The following SND1 variants were observed in gnomAD, a reference collection of about 807,000 sequenced individuals.
SND1 encodes the protein staphylococcal nuclease and tudor domain containing 1.
In SND1, 38 loss-of-function variants were observed where a neutral mutation model predicts 121.7. That is an observed-to-expected ratio of 0.31 (90% confidence interval 0.24 to 0.41). The LOEUF is 0.41. Ranked by LOEUF, SND1 falls within the 10% of genes least tolerant of loss-of-function variation. The pLI is 1.00. For synonymous variants in SND1, 401 were observed against 447.4 expected, an observed-to-expected ratio of 0.90 and a Z score of 1.31; for missense variants, 868 against 1,184.6, an observed-to-expected ratio of 0.73 and a Z score of 3.92.
intron 14 of SND1, among the ~76,000 whole-genome samples, chr7:127,923,058 A>G (rs1341921197): frequency 6.6e-6 from 1 of 152,156 alleles, no homozygotes; most frequent in East Asian, 1.9e-4. Context: ...GCATGATTAT[A>G]GCTCTCGGCA....
chr7:127,971,243 A>G (rs1398125700), intron 15 of SND1, among the ~76,000 whole-genome samples: 2 of 152,230 alleles, frequency 1.3e-5, no homozygotes, highest in African/African-American at 4.8e-5. Context: ...AGAAGGCTAT[A>G]GGCTTTCTCC....
At chr7:127,850,410 C>T (rs1460848561) in intron 12 of SND1, among the ~76,000 whole-genome samples, 1 of 152,182 alleles carries the variant, frequency 6.6e-6, no homozygotes, top group Non-Finnish European at 1.5e-5. Context: ...CCCAGAGAGG[C>T]CCACAACATC....
At chr7:127,731,091 C>T (rs1407556927) in intron 10 of SND1, among the ~76,000 whole-genome samples, 3 of 152,226 alleles carry the variant, frequency 2.0e-5, no homozygotes, top group Non-Finnish European at 4.4e-5. Flanking sequence ...GGAGGAGCTG[C>T]GTAGCCAGGG....
intron 1 of SND1, among the ~76,000 whole-genome samples, chr7:127,661,145 T>G (rs1427344197): frequency 1.3e-5 from 2 of 152,190 alleles, no homozygotes; most frequent in African/African-American, 2.4e-5. Flanking sequence ...CTCTTCGCGT[T>G]TGTCTTGATG....
At chr7:127,997,821 C>G (rs1802706096) in intron 16 of SND1, 1 of 534,664 alleles carries the variant, frequency 1.9e-6, no homozygotes, top group Non-Finnish European at 3.8e-6. Flanking sequence ...ACACTTTCGG[C>G]CCAGCACATC....
chr7:127,686,360 T>C (rs1795812698), intron 1 of SND1, among the ~76,000 whole-genome samples: 1 of 152,326 alleles, frequency 6.6e-6, no homozygotes, highest in East Asian at 1.9e-4. Flanking sequence ...TTTACCCCAG[T>C]CTGTTTATTC....
chr7:127,915,229 A>G (rs1047208132), intron 14 of SND1, among the ~76,000 whole-genome samples: 1 of 151,856 alleles, frequency 6.6e-6, no homozygotes, highest in Non-Finnish European at 1.5e-5. Flanking sequence ...GCCCATGATG[A>G]TCTCGAACTC....
At chr7:127,831,908 C>G (rs1372676544) in intron 11 of SND1, among the ~76,000 whole-genome samples, 4 of 80,950 alleles carry the variant, frequency 4.9e-5, no homozygotes, top group Non-Finnish European at 1.4e-4. Context: ...TATAATTGCA[C>G]CTTTGAAGAT....
At chr7:127,840,892 A>G (rs1277900124) in intron 11 of SND1, among the ~76,000 whole-genome samples, 2 of 152,134 alleles carry the variant, frequency 1.3e-5, no homozygotes. Flanking sequence ...TTAATCTCTG[A>G]CTTATTTACA....
chr7:127,974,606 A>G (rs545260317), intron 15 of SND1, among the ~76,000 whole-genome samples: 57 of 152,324 alleles, frequency 3.7e-4, no homozygotes, highest in Non-Finnish European at 5.4e-4. Context: ...CAGGCTGTCT[A>G]GGAGAATTCC....
intron 15 of SND1, among the ~76,000 whole-genome samples, chr7:127,939,432 C>T (rs1158039331): frequency 6.6e-6 from 1 of 152,142 alleles, no homozygotes; most frequent in Non-Finnish European, 1.5e-5. Flanking sequence ...TAAATAAAGT[C>T]ATCACTAAAA....
At chr7:127,738,744 C>G (rs937963877) in intron 10 of SND1, among the ~76,000 whole-genome samples, 1 of 152,110 alleles carries the variant, frequency 6.6e-6, no homozygotes, top group African/African-American at 2.4e-5. Flanking sequence ...TAAACAGGCT[C>G]CAGGGAACCT....
At chr7:128,022,693 C>T (rs1048949788) in intron 16 of SND1, among the ~76,000 whole-genome samples, 7 of 150,490 alleles carry the variant, frequency 4.7e-5, no homozygotes, top group Admixed American at 4.0e-4. Context: ...CTCTTCTCCC[C>T]AGCACACCCC....
At chr7:127,687,401 G>C (rs1027383219) in intron 2 of SND1, among the ~76,000 whole-genome samples, 1 of 152,160 alleles carries the variant, frequency 6.6e-6, no homozygotes, top group Non-Finnish European at 1.5e-5. Flanking sequence ...TGGGCTTCTA[G>C]TGTATCCATC....
chr7:127,844,726 G>T (rs1799026056), intron 12 of SND1, among the ~76,000 whole-genome samples: 1 of 152,176 alleles, frequency 6.6e-6, no homozygotes, highest in South Asian at 2.1e-4. Flanking sequence ...GCAGGCCCTA[G>T]ATACTGTCTA....
At chr7:127,718,247 G>C (rs1032918428) in intron 9 of SND1, among the ~76,000 whole-genome samples, 7 of 152,110 alleles carry the variant, frequency 4.6e-5, no homozygotes, top group Middle Eastern at 3.2e-3. Flanking sequence ...GCATACTTCA[G>C]TTATCCTGAT....
intron 10 of SND1, among the ~76,000 whole-genome samples, chr7:127,730,924 C>CT (rs1257816371): frequency 6.6e-6 from 1 of 152,248 alleles, no homozygotes; most frequent in African/African-American, 2.4e-5. Flanking sequence ...GAACGCGGGA[C>CT]TTTTTTCACA....
rs564165878 is a variant in SND1, at chr7:127,750,689, G to A, written c.1152+29289G>A. On this transcript the variant is annotated intron_variant, in intron 10 of 23. Coordinates refer to ENST00000354725, the MANE Select transcript of SND1 (RefSeq NM_014390.4). ...AAATGTTTAAATGAACATTTCCTTC[G>A]TGTGTCATGTCGATGCCCAAACGTT... Among the ~76,000 whole-genome samples the A allele has an allele frequency of 1.9e-4, 29 of 152,062 alleles. No individual in the cohort carries two copies. The South Asian group carries it at 3.5e-3, about 18-fold the overall frequency.
chr7:128,057,077 C>G (rs779473701), intron 16 of SND1, among the ~76,000 whole-genome samples: 3 of 152,172 alleles, frequency 2.0e-5, no homozygotes, highest in Non-Finnish European at 4.4e-5. Flanking sequence ...CATCACGCTA[C>G]TCAGAACGGC....
Sources: allele counts gnomAD v4.1 joint callset (sites outside exome capture counted in the v4.1 genomes callset), GRCh38; gene constraint gnomAD v4.1.1; transcripts MANE v1.5; gene names NCBI Gene and HGNC (gene_info 2026-07-23, HGNC 2026-07-21).